The following LIMCH1 variants were observed in gnomAD, a reference collection of about 807,000 sequenced individuals.
LIMCH1 encodes the protein LIM and calponin homology domains 1.
A neutral mutation model predicts 176.5 loss-of-function variants in LIMCH1; 113 were observed. The observed-to-expected ratio is 0.64, with a 90% CI of 0.55 to 0.75. The LOEUF (loss-of-function observed/expected upper bound fraction) is 0.75. Among genes scored for constraint, LIMCH1 ranks in the 30% least tolerant of loss-of-function variants. The pLI is 0.00. For synonymous variants in LIMCH1, 619 were observed against 645.9 expected (o/e 0.96, Z 0.63); for missense variants, 1,674 against 1,814.9 (o/e 0.92, Z 1.41).
chr4:41,530,395 G>A (rs1262464038), intron 3 of LIMCH1, among the ~76,000 whole-genome samples: 1 of 152,140 alleles, frequency 6.6e-6, no homozygotes, highest in Non-Finnish European at 1.5e-5. Context: ...AACTCATCCT[G>A]ATCAATGTCT....
chr4:41,398,246 A>G (rs2058025941), intron 1 of LIMCH1, among the ~76,000 whole-genome samples: 1 of 150,594 alleles, frequency 6.6e-6, no homozygotes, highest in Admixed American at 6.6e-5. Context: ...TTTAGGGTAC[A>G]TGTGCACAAT....
At chr4:41,388,069 T>C (rs1240116653) in intron 1 of LIMCH1, among the ~76,000 whole-genome samples, 2 of 152,184 alleles carry the variant, frequency 1.3e-5, no homozygotes. Flanking sequence ...GAGATCGTGC[T>C]ACAGCACTCC....
Position 41,519,195 on chromosome 4 carries a change from C to A in LIMCH1, c.168-5214C>A, listed in dbSNP as rs146656425. Among the ~76,000 whole-genome samples, 897 of 152,264 alleles carry A rather than the reference C, an allele frequency of 5.9e-3. 3 individuals carry two copies. The highest frequency in any genetic ancestry group is 9.1e-3 in the Non-Finnish European group (621 of 68,020). ...ATGACAGCGAGACACGTATGTGCACCATTCTGGTCTTCCTGTGGGTTTTTA... is the reference window on the plus strand; with the variant it reads ...ATGACAGCGAGACACGTATGTGCACAATTCTGGTCTTCCTGTGGGTTTTTA... On this transcript the variant is annotated intron_variant, in intron 2 of 26. Transcript: ENST00000313860.
chr4:41,472,251 G>A (rs1482770652), intron 1 of LIMCH1, among the ~76,000 whole-genome samples: 2 of 152,122 alleles, frequency 1.3e-5, no homozygotes, highest in East Asian at 1.9e-4. Context: ...AAGGCCAAAC[G>A]ACACATGTAG....
At chr4:41,679,157 T>A (rs1713592675) in intron 23 of LIMCH1, among the ~76,000 whole-genome samples, 1 of 152,146 alleles carries the variant, frequency 6.6e-6, no homozygotes, top group Admixed American at 6.5e-5. Flanking sequence ...GGATTGACAA[T>A]AGTCAGCCTA....
chr4:41,415,337 A>G (rs2059829001), intron 1 of LIMCH1, among the ~76,000 whole-genome samples: 1 of 152,168 alleles, frequency 6.6e-6, no homozygotes, highest in African/African-American at 2.4e-5. Context: ...TGACCTGATA[A>G]TGGATTTTTA....
chr4:41,528,100 T>A (rs1057391369), intron 3 of LIMCH1, among the ~76,000 whole-genome samples: 1 of 150,806 alleles, frequency 6.6e-6, no homozygotes, highest in Non-Finnish European at 1.5e-5. Context: ...GGCAAATATA[T>A]ATGCTGGAGT....
chr4:41,519,053 G>A (rs1265022143), intron 2 of LIMCH1, among the ~76,000 whole-genome samples: 1 of 152,154 alleles, frequency 6.6e-6, no homozygotes, highest in Non-Finnish European at 1.5e-5. Context: ...TACATGTGGA[G>A]CATTCCATTT....
intron 1 of LIMCH1, among the ~76,000 whole-genome samples, chr4:41,365,188 T>G (rs1038247239): frequency 7.2e-5 from 11 of 152,246 alleles, no homozygotes; most frequent in African/African-American, 2.2e-4. Context: ...TCCTTTACCT[T>G]CAATCAGAGT....
Position 41,698,785 on chromosome 4 carries a change from A to G in LIMCH1, c.*1600A>G, listed in dbSNP as rs1731983493. 1 of 152,596 alleles carries G rather than the reference A, an allele frequency of 6.6e-6. No individual in the cohort carries two copies. Among genetic ancestry groups the G allele is most frequent in the Non-Finnish European group, 1.5e-5 (1 of 68,034 alleles). 9.5% of individuals were successfully genotyped at this position (152,596 alleles called of 1,614,324 possible). A position where few individuals can be genotyped will look rare whatever the true frequency, so the allele number is the denominator to read the frequency against. Reference sequence around the variant, plus strand: ...TTCCTCAGCCACTGGAGGGATTTCGACCATATTTGTCATTTGGATGAGCTG... The same window carrying G: ...TTCCTCAGCCACTGGAGGGATTTCGGCCATATTTGTCATTTGGATGAGCTG... On this transcript the variant is annotated 3_prime_UTR_variant, in exon 32 of 32. Coordinates refer to ENST00000503057, the MANE Select transcript of LIMCH1 (RefSeq NM_001330672.2).
chr4:41,466,103 C>T (rs184583831), intron 1 of LIMCH1, among the ~76,000 whole-genome samples: 6 of 152,052 alleles, frequency 3.9e-5, no homozygotes, highest in African/African-American at 7.2e-5. Context: ...GGACTACAGG[C>T]GCACACCACC....
chr4:41,639,193 T>C (rs1272523485), intron 14 of LIMCH1, among the ~76,000 whole-genome samples: 1 of 152,250 alleles, frequency 6.6e-6, no homozygotes, highest in Admixed American at 6.5e-5. Context: ...TGCTTGAAAC[T>C]TAACATTTGC....
intron 1 of LIMCH1, among the ~76,000 whole-genome samples, chr4:41,572,562 C>T (rs1437503600): frequency 6.6e-6 from 1 of 152,018 alleles, no homozygotes; most frequent in Non-Finnish European, 1.5e-5. Context: ...AAGCAAGGCT[C>T]TTAGTAGCAA....
chr4:41,691,015 C>T (rs963827696), intron 30 of LIMCH1, among the ~76,000 whole-genome samples: 2 of 152,214 alleles, frequency 1.3e-5, no homozygotes, highest in Non-Finnish European at 2.9e-5. Context: ...GCATTCTGTT[C>T]TCAGAAACTT....
chr4:41,679,131 T>C (rs1246025157), intron 23 of LIMCH1, among the ~76,000 whole-genome samples: 1 of 152,190 alleles, frequency 6.6e-6, no homozygotes, highest in Non-Finnish European at 1.5e-5. Flanking sequence ...GCAGACTTGT[T>C]TCAGCCTCGA....
At chr4:41,389,342 G>A (rs188525421) in intron 1 of LIMCH1, 4 of 153,496 alleles carry the variant, frequency 2.6e-5, no homozygotes, top group Admixed American at 1.3e-4. Flanking sequence ...CTCTGCCCTC[G>A]TCATCAAAGC....
intron 1 of LIMCH1, among the ~76,000 whole-genome samples, chr4:41,406,522 T>G (rs2058980720): frequency 6.6e-6 from 1 of 152,078 alleles, no homozygotes; most frequent in Non-Finnish European, 1.5e-5. Flanking sequence ...CCTCCCTCCC[T>G]CTCCAGGGAG....
At chr4:41,527,685 C>T (rs557457095) in intron 3 of LIMCH1, among the ~76,000 whole-genome samples, 6 of 151,924 alleles carry the variant, frequency 3.9e-5, no homozygotes, top group Non-Finnish European at 7.4e-5. Context: ...TAGCCAGGCG[C>T]GGTGGTGGGC....
intron 1 of LIMCH1, among the ~76,000 whole-genome samples, chr4:41,584,470 G>A (rs549102336): frequency 6.6e-5 from 10 of 152,228 alleles, no homozygotes; most frequent in South Asian, 2.1e-4. Flanking sequence ...GTGTATGATG[G>A]AAAAAGGGAT....
Sources: gnomAD v4.1 joint callset for allele counts (sites outside exome capture counted in the v4.1 genomes callset) on GRCh38, gnomAD v4.1.1 for gene constraint, MANE v1.5 for transcripts, NCBI Gene and HGNC (gene_info 2026-07-23, HGNC 2026-07-21) for gene names.